LYPLAL1: variants seen among roughly 807,000 people sequenced by gnomAD.
The protein encoded by LYPLAL1 is lysophospholipase-like protein 1.
Under a neutral mutation model 19.7 loss-of-function variants are expected in LYPLAL1, and 23 were observed. That is an observed-to-expected ratio of 1.17 (90% CI 0.84 to 1.65). The LOEUF (loss-of-function observed/expected upper bound fraction) is 1.65, where lower values mean the gene tolerates loss of function less well. Among genes scored for constraint, LYPLAL1 ranks in the 40% most tolerant of loss-of-function variants. The pLI is 0.00. For synonymous variants in LYPLAL1, 119 were observed against 96.3 expected (o/e 1.24, Z -1.38); for missense variants, 355 against 279.4 (o/e 1.27, Z -1.93).
At chr1:219,405,584 A>G in the LYPLAL1 span, among the ~76,000 whole-genome samples, 1 of 152,318 alleles carries the variant, frequency 6.6e-6, no homozygotes, top group South Asian at 2.1e-4. Flanking sequence ...AAACACTAAA[A>G]TTCTCAAAAA....
At chr1:219,259,156 C>T in the LYPLAL1 span, among the ~76,000 whole-genome samples, 1 of 151,842 alleles carries the variant, frequency 6.6e-6, no homozygotes, top group Non-Finnish European at 1.5e-5. Flanking sequence ...CACTTTTACA[C>T]TGCTGGTGGA....
chr1:219,331,257 T>C, the LYPLAL1 span, among the ~76,000 whole-genome samples: 1 of 152,176 alleles, frequency 6.6e-6, no homozygotes, highest in Non-Finnish European at 1.5e-5. Flanking sequence ...AGAAAAACTT[T>C]CCTGTTGTGA....
At chr1:219,307,619 T>A in the LYPLAL1 span, among the ~76,000 whole-genome samples, 1 of 152,198 alleles carries the variant, frequency 6.6e-6, no homozygotes, top group African/African-American at 2.4e-5. Context: ...ATTTCATTGT[T>A]AATATTTGAT....
the LYPLAL1 span, among the ~76,000 whole-genome samples, chr1:219,321,215 G>A: frequency 1.3e-5 from 2 of 152,188 alleles, no homozygotes; most frequent in African/African-American, 4.8e-5. Context: ...TTTTTCATGT[G>A]TCTGTTGGCT....
chr1:219,208,780 A>C (rs1361452836), intron 3 of LYPLAL1, among the ~76,000 whole-genome samples: 3 of 152,144 alleles, frequency 2.0e-5, no homozygotes, highest in African/African-American at 7.2e-5. Context: ...TCATGATGTT[A>C]TTAAAGAGAA....
chr1:219,182,321 G>A (rs1656357039), intron 2 of LYPLAL1, among the ~76,000 whole-genome samples: 1 of 152,112 alleles, frequency 6.6e-6, no homozygotes, highest in Admixed American at 6.6e-5. Flanking sequence ...TCTGACTGGT[G>A]TTCCTAACAC....
the LYPLAL1 span, among the ~76,000 whole-genome samples, chr1:219,436,618 A>G: frequency 6.6e-6 from 1 of 152,156 alleles, no homozygotes; most frequent in African/African-American, 2.4e-5. Flanking sequence ...CAGACCCTTA[A>G]GTCTGGACCC....
the LYPLAL1 span, among the ~76,000 whole-genome samples, chr1:219,325,616 G>A: frequency 6.6e-6 from 1 of 152,134 alleles, no homozygotes; most frequent in Non-Finnish European, 1.5e-5. Context: ...TTGTAAATGA[G>A]TACAAGTCAA....
the LYPLAL1 span, among the ~76,000 whole-genome samples, chr1:219,360,927 T>C: frequency 6.6e-6 from 1 of 152,066 alleles, no homozygotes; most frequent in African/African-American, 2.4e-5. Context: ...AAAGCAAAAG[T>C]GATTAAAATA....
intron 3 of LYPLAL1, among the ~76,000 whole-genome samples, chr1:219,205,128 C>T (rs1228606619): frequency 6.6e-6 from 1 of 151,644 alleles, no homozygotes; most frequent in East Asian, 1.9e-4. Context: ...TAGGCCGAGG[C>T]GGGTGGATCA....
chr1:219,288,647 A>G, the LYPLAL1 span, among the ~76,000 whole-genome samples: 19 of 152,190 alleles, frequency 1.2e-4, no homozygotes, highest in African/African-American at 4.6e-4. Context: ...AAGGGAAACT[A>G]TGGACTTTGG....
the LYPLAL1 span, among the ~76,000 whole-genome samples, chr1:219,362,295 T>C: frequency 6.6e-6 from 1 of 152,152 alleles, no homozygotes; most frequent in East Asian, 1.9e-4. Context: ...AATTGTGTGA[T>C]CTTAGACAAA....
At chr1:219,183,304 A>G (rs1469963685) in intron 2 of LYPLAL1, among the ~76,000 whole-genome samples, 1 of 151,936 alleles carries the variant, frequency 6.6e-6, no homozygotes, top group Admixed American at 6.6e-5. Flanking sequence ...GATTTGTTGG[A>G]GTTCTGTAGT....
At chr1:219,338,651 A>G in the LYPLAL1 span, among the ~76,000 whole-genome samples, 15 of 151,862 alleles carry the variant, frequency 9.9e-5, no homozygotes, top group African/African-American at 3.6e-4. Context: ...TCCCATTTTC[A>G]TCATCAACAT....
the LYPLAL1 span, among the ~76,000 whole-genome samples, chr1:219,390,107 T>C: frequency 3.9e-5 from 6 of 152,228 alleles, no homozygotes; most frequent in African/African-American, 1.4e-4. Context: ...CTTCATTTTG[T>C]CTCCCATAAG....
chr1:219,257,144 G>A, the LYPLAL1 span, among the ~76,000 whole-genome samples: 1 of 151,814 alleles, frequency 6.6e-6, no homozygotes, highest in Non-Finnish European at 1.5e-5. Context: ...GTAAAAAACT[G>A]TGTTAAAGTC....
chr1:219,307,396 A>G, the LYPLAL1 span, among the ~76,000 whole-genome samples: 1 of 152,172 alleles, frequency 6.6e-6, no homozygotes, highest in East Asian at 1.9e-4. Flanking sequence ...TCCCTGCATC[A>G]ACTAGAAGAG....
chr1:219,360,480 G>C, the LYPLAL1 span, among the ~76,000 whole-genome samples: 1 of 152,132 alleles, frequency 6.6e-6, no homozygotes, highest in Non-Finnish European at 1.5e-5. Context: ...GAAAGCGTAA[G>C]TTCCTATGAG....
chr1:219,200,687 AG>A, intron 3 of LYPLAL1: 9 of 245,180 alleles, frequency 3.7e-5, no homozygotes, highest in Non-Finnish European at 5.8e-5. Flanking sequence ...GGCAGCCAAA[AG>A]AGCTACACAT....
Sources: allele counts gnomAD v4.1 joint callset (sites outside exome capture counted in the v4.1 genomes callset), GRCh38; gene constraint gnomAD v4.1.1; transcripts MANE v1.5; gene names NCBI Gene and HGNC (gene_info 2026-07-23, HGNC 2026-07-21).